The following MAP3K20 variants were observed in gnomAD, a reference collection of about 807,000 sequenced individuals.
MAP3K20 encodes mitogen-activated protein kinase kinase kinase 20.
MAP3K20 carries 40 observed loss-of-function variants against 85.7 expected under a neutral mutation model. The ratio of observed to expected loss-of-function variants is 0.47; its 90% CI spans 0.36 to 0.61. The LOEUF is 0.61. Among genes scored for constraint, MAP3K20 ranks in the 20% least tolerant of loss-of-function variants. MAP3K20 has a pLI of 0.00. For synonymous variants in MAP3K20, 325 were observed against 327.7 expected (o/e 0.99, Z 0.09); for missense variants, 817 against 961.7 (o/e 0.85, Z 1.99).
At chr2:173,222,149 T>G (rs1684269614) in intron 11 of MAP3K20, 2 of 935,722 alleles carry the variant, frequency 2.1e-6, no homozygotes, top group African/African-American at 3.6e-5. Context: ...AGGGCTGCAG[T>G]GAGCCATGAT....
At chr2:173,086,553 G>A (rs868709598) in intron 1 of MAP3K20, among the ~76,000 whole-genome samples, 2 of 152,182 alleles carry the variant, frequency 1.3e-5, no homozygotes, top group African/African-American at 4.8e-5. Context: ...AAACATTCAA[G>A]TAATTGGATA....
chr2:173,130,402 T>C (rs1688577589), intron 2 of MAP3K20, among the ~76,000 whole-genome samples: 1 of 152,188 alleles, frequency 6.6e-6, no homozygotes, highest in South Asian at 2.1e-4. Context: ...TGTTTATTAT[T>C]CTCAAAAATC....
chr2:173,134,967 A>G (rs1485262605), intron 2 of MAP3K20, among the ~76,000 whole-genome samples: 1 of 152,160 alleles, frequency 6.6e-6, no homozygotes, highest in African/African-American at 2.4e-5. Context: ...TCTTTAACAT[A>G]TTTGTGCCTT....
At chr2:173,225,127 G>A in intron 11 of MAP3K20, 1 of 835,752 alleles carries the variant, frequency 1.2e-6, no homozygotes, top group Non-Finnish European at 1.3e-6. Flanking sequence ...AGAATTTGAT[G>A]AGACCCTCCC....
intron 2 of MAP3K20, among the ~76,000 whole-genome samples, chr2:173,167,845 T>C (rs978012729): frequency 6.6e-6 from 1 of 152,142 alleles, no homozygotes; most frequent in Admixed American, 6.5e-5. Context: ...TTATTCTTTA[T>C]TGATAGAAAA....
chr2:173,200,805 T>C (rs1356821684), intron 8 of MAP3K20, among the ~76,000 whole-genome samples: 2 of 152,138 alleles, frequency 1.3e-5, no homozygotes, highest in African/African-American at 4.8e-5. Flanking sequence ...AAAGTTTTTT[T>C]ATTTTTAGTA....
In MAP3K20 at chr2:173,174,611, G is replaced by A. The variant is rs148034419; in HGVS notation, c.247+4719G>A. Among the ~76,000 whole-genome samples, 207 of 152,258 alleles carry A rather than the reference G, an allele frequency of 1.4e-3. 2 individuals carry two copies. Among genetic ancestry groups the A allele is most frequent in the Admixed American group, 0.012 (184 of 15,288 alleles). On this transcript the variant is annotated intron_variant, in intron 3 of 19. Coordinates refer to ENST00000375213, the MANE Select transcript of MAP3K20 (RefSeq NM_016653.3). The stretch of plus-strand genomic sequence containing the variant: ...TTTCTTTATCCAGTCTATCATTGAT[G>A]GGCATTTGGGTTGGTTCCAAGTCAT...
At chr2:173,097,448 G>A (rs1687495855) in intron 2 of MAP3K20, among the ~76,000 whole-genome samples, 1 of 152,140 alleles carries the variant, frequency 6.6e-6, no homozygotes. Flanking sequence ...AACAAGATAT[G>A]TCTGTACATA....
At chr2:173,098,708 C>G (rs1687538093) in intron 2 of MAP3K20, among the ~76,000 whole-genome samples, 2 of 152,212 alleles carry the variant, frequency 1.3e-5, no homozygotes, top group African/African-American at 4.8e-5. Context: ...AGTCTCTTCC[C>G]CTTCACTCAG....
chr2:173,076,161 G>C (rs1290555665), intron 1 of MAP3K20, among the ~76,000 whole-genome samples, 159 bp downstream of exon 1: 1 of 151,298 alleles, frequency 6.6e-6, no homozygotes, highest in African/African-American at 2.4e-5. Context: ...CCGACCCAGG[G>C]CCCGCCCGGC....
Position 173,217,200 on chromosome 2 carries a change from A to G in MAP3K20, c.937A>G (p.Arg313Gly). 1 of 1,604,924 alleles carries G rather than the reference A, an allele frequency of 6.2e-7. No individual in the cohort carries two copies. The highest frequency in any genetic ancestry group is 1.7e-4 in the Middle Eastern group (1 of 6,024). The change falls in exon 11 of 20, where the codon AGA (arginine) becomes GGA (glycine). Residue 313 changes from arginine to glycine, a missense_variant. Coordinates refer to ENST00000375213, the MANE Select transcript of MAP3K20 (RefSeq NM_016653.3). ...FKEQELKERE[R>G]RLKMWEQKLT... ...GGAGCAGGAGCTTAAAGAACGAGAA[A>G]GACGTTTAAAGATGTGGGAGCAAAA...
At chr2:173,118,207 T>G (rs1688179082) in intron 2 of MAP3K20, among the ~76,000 whole-genome samples, 1 of 152,242 alleles carries the variant, frequency 6.6e-6, no homozygotes, top group Non-Finnish European at 1.5e-5. Context: ...GGTTATTTTC[T>G]TAGTTTGTTG....
chr2:173,076,259 C>G (rs567402972), intron 1 of MAP3K20, among the ~76,000 whole-genome samples: 21 of 152,048 alleles, frequency 1.4e-4, no homozygotes, highest in Middle Eastern at 6.8e-3. Context: ...GCGGCGCCGC[C>G]AAGTGCGGTT....
Position 173,075,854 on chromosome 2 carries a change from C to A in MAP3K20, c.-183C>A. ...TTGCCGTGACTGTCTTCCTCATTGG[C>A]GCCGTGCAGAGAGGCGGAATGTTCA... is the stretch of plus-strand genomic sequence containing the variant. On this transcript the variant is annotated 5_prime_UTR_variant, in exon 1 of 20. Transcript: ENST00000375213. 1.0e-6 allele frequency: 1 copy of A among 985,276 alleles called. No individual in the cohort carries two copies. Among genetic ancestry groups the A allele is most frequent in the South Asian group, 4.7e-5 (1 of 21,286 alleles). The allele number at this position is 985,276 out of a possible 1,614,324, so 61.0% of individuals were successfully genotyped here. A position where few individuals can be genotyped will look rare whatever the true frequency, so the allele number is the denominator to read the frequency against.
In MAP3K20 at chr2:173,155,446, G is replaced by A. The variant is rs114419228; in HGVS notation, c.160-14359G>A. Among the ~76,000 whole-genome samples, 621 of 152,242 alleles carry A rather than the reference G, an allele frequency of 4.1e-3. 2 individuals carry two copies. Among genetic ancestry groups the A allele is most frequent in the Non-Finnish European group, 6.9e-3 (471 of 68,000 alleles). ...TGTCTTGTTCACCACTGTCCTTAGC[G>A]CCAAAAAATAGTGCCTGGCACATCA... On this transcript the variant is annotated intron_variant, in intron 2 of 19. Coordinates refer to ENST00000375213, the MANE Select transcript of MAP3K20 (RefSeq NM_016653.3).
chr2:173,130,456 A>G (rs1414262974), intron 2 of MAP3K20, among the ~76,000 whole-genome samples: 7 of 152,232 alleles, frequency 4.6e-5, no homozygotes, highest in Admixed American at 1.3e-4. Flanking sequence ...TTTTTATGCT[A>G]TCAAGGAGAC....
chr2:173,082,486 G>T (rs1339856347), intron 1 of MAP3K20, among the ~76,000 whole-genome samples: 1 of 152,190 alleles, frequency 6.6e-6, no homozygotes, highest in Admixed American at 6.5e-5. Context: ...CTGTCTGTCA[G>T]CAGCCAGGAT....
chr2:173,232,533 T>C, intron 14 of MAP3K20, 74 bp downstream of exon 14: 1 of 1,573,678 alleles, frequency 6.4e-7, no homozygotes, highest in East Asian at 2.2e-5. Context: ...AGGCAGAGTC[T>C]TGCTCTGTTG....
chr2:173,131,004 C>G (rs1559244431), intron 2 of MAP3K20, among the ~76,000 whole-genome samples: 1 of 152,152 alleles, frequency 6.6e-6, no homozygotes, highest in South Asian at 2.1e-4. Context: ...AATGTGCATG[C>G]TATTTATTAG....
Sources: allele counts gnomAD v4.1 joint callset (sites outside exome capture counted in the v4.1 genomes callset), GRCh38; gene constraint gnomAD v4.1.1; transcripts MANE v1.5; gene names NCBI Gene and HGNC (gene_info 2026-07-23, HGNC 2026-07-21).